The following LINGO2 variants were observed in gnomAD, a reference collection of about 807,000 sequenced individuals.
LINGO2 encodes the protein leucine-rich repeat and immunoglobulin-like domain-containing nogo receptor-interacting protein 2.
Under a neutral mutation model 30.6 loss-of-function variants are expected in LINGO2, and 14 were observed. The observed-to-expected ratio is 0.46, with a 90% CI of 0.30 to 0.72. The LOEUF (loss-of-function observed/expected upper bound fraction) is 0.72, where lower values mean the gene tolerates loss of function less well. LINGO2 is among the 30% of genes least tolerant of loss of function. LINGO2 has a pLI of 0.07. For missense variants in LINGO2, 729 were observed against 751.7 expected (o/e 0.97, Z 0.35); for synonymous variants, 317 against 288.5 (o/e 1.10, Z -1.00).
chr9:29,083,762 G>A, the LINGO2 span, among the ~76,000 whole-genome samples: 1 of 152,054 alleles, frequency 6.6e-6, no homozygotes. Context: ...TAGTTTGTAA[G>A]GGGTTGTACC....
At chr9:28,277,310 C>G (rs147306186) in intron 4 of LINGO2, among the ~76,000 whole-genome samples, 2 of 152,240 alleles carry the variant, frequency 1.3e-5, no homozygotes, top group East Asian at 3.9e-4. Flanking sequence ...ATCGTACCCA[C>G]ATAGGAGGCA....
chr9:28,753,642 T>C, the LINGO2 span, among the ~76,000 whole-genome samples: 6 of 152,052 alleles, frequency 3.9e-5, no homozygotes, highest in Middle Eastern at 3.4e-3. Flanking sequence ...GTAAATATGG[T>C]GTCAAGAATG....
chr9:28,482,630 T>G (rs2135229640), intron 1 of LINGO2, among the ~76,000 whole-genome samples: 1 of 152,286 alleles, frequency 6.6e-6, no homozygotes, highest in African/African-American at 2.4e-5. Flanking sequence ...TTAGTTTAAT[T>G]AGATCCCATT....
At chr9:28,775,222 T>TTA in the LINGO2 span, among the ~76,000 whole-genome samples, 5 of 152,102 alleles carry the variant, frequency 3.3e-5, no homozygotes, top group African/African-American at 1.2e-4. Flanking sequence ...GTCCCGGTGT[T>TTA]TTGGTTGTGA....
At chr9:28,903,089 CT>C in the LINGO2 span, among the ~76,000 whole-genome samples, 37 of 149,696 alleles carry the variant, frequency 2.5e-4, no homozygotes, top group Admixed American at 4.7e-4. Context: ...AAAGGAAGAG[CT>C]TTTTTTTTGA....
intron 2 of LINGO2, among the ~76,000 whole-genome samples, chr9:28,438,593 A>T (rs1824051982): frequency 6.6e-6 from 1 of 152,084 alleles, no homozygotes; most frequent in Admixed American, 6.6e-5. Flanking sequence ...CACATCAGCC[A>T]ATTTCTAGCG....
chr9:28,318,410 A>G (rs1000805562), intron 3 of LINGO2, among the ~76,000 whole-genome samples: 3 of 152,192 alleles, frequency 2.0e-5, no homozygotes, highest in Non-Finnish European at 2.9e-5. Context: ...GAAGAAAATT[A>G]ATATTTAAAG....
At chr9:28,040,361 T>C (rs1824142408) in intron 4 of LINGO2, among the ~76,000 whole-genome samples, 1 of 151,796 alleles carries the variant, frequency 6.6e-6, no homozygotes, top group Non-Finnish European at 1.5e-5. Flanking sequence ...GGAAGGTTCC[T>C]AGCAATGGTC....
At chr9:29,162,130 G>A in the LINGO2 span, among the ~76,000 whole-genome samples, 1 of 152,062 alleles carries the variant, frequency 6.6e-6, no homozygotes, top group Non-Finnish European at 1.5e-5. Flanking sequence ...ATGTTGGTCA[G>A]GCTGGTCTTG....
chr9:28,369,346 C>T (rs1820810603), intron 3 of LINGO2, among the ~76,000 whole-genome samples: 1 of 152,008 alleles, frequency 6.6e-6, no homozygotes, highest in Admixed American at 6.6e-5. Context: ...ATTATTTATC[C>T]TTTATTCTTA....
chr9:27,996,405 T>C (rs895388545), intron 5 of LINGO2, among the ~76,000 whole-genome samples: 1 of 152,086 alleles, frequency 6.6e-6, no homozygotes, highest in African/African-American at 2.4e-5. Context: ...AATGGACAAA[T>C]AGGTAAAAAA....
At chr9:29,012,931 A>C in the LINGO2 span, among the ~76,000 whole-genome samples, 1 of 152,210 alleles carries the variant, frequency 6.6e-6, no homozygotes, top group Non-Finnish European at 1.5e-5. Flanking sequence ...AAAGATATTA[A>C]GTCCTAGATA....
intron 1 of LINGO2, among the ~76,000 whole-genome samples, chr9:28,614,789 A>T (rs1360921766): frequency 6.6e-6 from 1 of 152,124 alleles, no homozygotes; most frequent in African/African-American, 2.4e-5. Context: ...TTATAACCTT[A>T]GCCTAGTTAA....
rs187724102 is a variant in LINGO2 at position 28,195,378 on chromosome 9, G to T, written c.-87+99830C>A. 2.6e-3 allele frequency among the ~76,000 whole-genome samples: 400 copies of T among 151,408 alleles called. 12 individuals are homozygous for T. Among genetic ancestry groups the T allele is most frequent in the African/African-American group, 9.1e-3 (378 of 41,344 alleles). On this transcript the variant is annotated intron_variant, in intron 4 of 5. Coordinates refer to ENST00000379992, the Ensembl canonical transcript of LINGO2. ...CAAGAAAGTTGCCTTTAAATAACAAGATGGTGAGCGACAAAAAGCGAAATA... is the reference window on the plus strand; with the variant it reads ...CAAGAAAGTTGCCTTTAAATAACAATATGGTGAGCGACAAAAAGCGAAATA...
At chr9:28,603,074 G>T (rs1424782385) in intron 1 of LINGO2, among the ~76,000 whole-genome samples, 2 of 151,986 alleles carry the variant, frequency 1.3e-5, no homozygotes, top group African/African-American at 2.4e-5. Context: ...AAGTTTTCTG[G>T]CTTACACTAT....
intron 4 of LINGO2, among the ~76,000 whole-genome samples, chr9:28,049,566 G>C (rs1455554993): frequency 6.6e-6 from 1 of 150,506 alleles, no homozygotes; most frequent in African/African-American, 2.5e-5. Context: ...AAGGGCTTCA[G>C]GTTCATGTTT....
the LINGO2 span, among the ~76,000 whole-genome samples, chr9:29,169,833 A>G: frequency 3.5e-4 from 54 of 152,228 alleles, no homozygotes; most frequent in African/African-American, 1.2e-3. Context: ...ACCCATCTCT[A>G]CTAAAAATAC....
At position 28,280,837 on chromosome 9, in the gene LINGO2, A is replaced by G. The variant is rs374704225; in HGVS notation, c.-87+14371T>C. Among the ~76,000 whole-genome samples, 42 of 152,270 alleles carry G rather than the reference A, an allele frequency of 2.8e-4. No individual in the cohort carries two copies. In the East Asian group the frequency reaches 5.8e-3, roughly 21 times the overall value. Reference sequence around the variant, plus strand: ...ACCAATCCAGTGCCTAGTCTTCTGCAAAAAGTTTTCTATCAAACTGATGCT... The same window carrying G: ...ACCAATCCAGTGCCTAGTCTTCTGCGAAAAGTTTTCTATCAAACTGATGCT... On this transcript the variant is annotated intron_variant, in intron 4 of 5. Coordinates refer to ENST00000379992, the Ensembl canonical transcript of LINGO2.
At chr9:28,187,565 T>C (rs1819587006) in intron 4 of LINGO2, among the ~76,000 whole-genome samples, 1 of 151,740 alleles carries the variant, frequency 6.6e-6, no homozygotes. Context: ...ATGGATAGAA[T>C]TGTCATCAAT....
Sources: allele counts gnomAD v4.1 joint callset (sites outside exome capture counted in the v4.1 genomes callset), GRCh38; gene constraint gnomAD v4.1.1; transcripts MANE v1.5; gene names NCBI Gene and HGNC (gene_info 2026-07-23, HGNC 2026-07-21).